GAREM1: variants seen among roughly 807,000 people sequenced by gnomAD.
The protein encoded by GAREM1 is GRB2 associated regulator of MAPK1 subtype 1.
In GAREM1, 26 loss-of-function variants were observed where a neutral mutation model predicts 71.3. That is an observed-to-expected ratio of 0.36 (90% confidence interval 0.27 to 0.51). The LOEUF (loss-of-function observed/expected upper bound fraction) is 0.51, where lower values mean the gene tolerates loss of function less well. Ranked by LOEUF, GAREM1 falls within the 20% of genes least tolerant of loss-of-function variation. The pLI, the probability that GAREM1 is intolerant of heterozygous loss-of-function variation, is 0.95. For missense variants in GAREM1, 1,026 were observed against 1,103.1 expected (o/e 0.93, Z 0.99); for synonymous variants, 440 against 433.2 (o/e 1.02, Z -0.20).
intron 1 of GAREM1, among the ~76,000 whole-genome samples, chr18:32,401,139 C>A (rs1020273602): frequency 2.0e-5 from 3 of 151,930 alleles, no homozygotes; most frequent in African/African-American, 7.3e-5. Flanking sequence ...AACACCTGGA[C>A]ACAGCAAGGG....
intron 3 of GAREM1, among the ~76,000 whole-genome samples, chr18:32,299,319 CCTGG>C (rs1308986376): frequency 1.3e-5 from 2 of 151,896 alleles, no homozygotes; most frequent in African/African-American, 4.8e-5. Flanking sequence ...TCGAGACCAT[CCTGG>C]CTAACATGGT....
chr18:32,394,646 C>T (rs1160202465), intron 1 of GAREM1, among the ~76,000 whole-genome samples: 3 of 152,100 alleles, frequency 2.0e-5, no homozygotes, highest in African/African-American at 7.2e-5. Flanking sequence ...AAAGATACTG[C>T]CTGGGGGCCA....
intron 4 of GAREM1, among the ~76,000 whole-genome samples, chr18:32,285,638 G>A (rs546891993): frequency 6.6e-5 from 10 of 152,016 alleles, no homozygotes; most frequent in Admixed American, 2.0e-4. Flanking sequence ...CATTCATCCC[G>A]CGACTAGAAG....
intron 2 of GAREM1, among the ~76,000 whole-genome samples, chr18:32,389,272 T>C (rs2048174711): frequency 6.6e-6 from 1 of 152,136 alleles, no homozygotes; most frequent in Non-Finnish European, 1.5e-5. Flanking sequence ...AACTTGTAAT[T>C]AGTAGTGCAG....
chr18:32,321,217 T>C (rs1215427976), intron 2 of GAREM1, among the ~76,000 whole-genome samples: 1 of 152,242 alleles, frequency 6.6e-6, no homozygotes, highest in Non-Finnish European at 1.5e-5. Context: ...CCCAGACTCC[T>C]CTGCCTCGGC....
chr18:32,454,024 CG>C (rs974853503), intron 1 of GAREM1, among the ~76,000 whole-genome samples: 7 of 151,824 alleles, frequency 4.6e-5, no homozygotes, highest in Non-Finnish European at 7.4e-5. Context: ...AGTTGGAAAA[CG>C]TAATATGAGA....
chr18:32,404,585 T>C (rs1271728402), intron 1 of GAREM1, among the ~76,000 whole-genome samples: 1 of 152,246 alleles, frequency 6.6e-6, no homozygotes, highest in Admixed American at 6.5e-5. Context: ...ACTCAGAGTA[T>C]TGTATTTCAC....
At chr18:32,386,871 C>T (rs1312262026) in intron 2 of GAREM1, among the ~76,000 whole-genome samples, 1 of 152,112 alleles carries the variant, frequency 6.6e-6, no homozygotes. Flanking sequence ...TGTGCTGAGC[C>T]ATTTACGCAA....
At chr18:32,330,455 T>C (rs2047521040) in intron 2 of GAREM1, among the ~76,000 whole-genome samples, 1 of 152,080 alleles carries the variant, frequency 6.6e-6, no homozygotes, top group African/African-American at 2.4e-5. Context: ...GTCAGCATCA[T>C]GCAATGTACT....
At chr18:32,290,595 A>T (rs544079679) in intron 3 of GAREM1, among the ~76,000 whole-genome samples, 3 of 150,292 alleles carry the variant, frequency 2.0e-5, no homozygotes, top group Non-Finnish European at 3.0e-5. Flanking sequence ...CAATGAGCCA[A>T]GATTGTGCCA....
chr18:32,428,296 AC>A (rs1250040905), intron 1 of GAREM1, among the ~76,000 whole-genome samples: 1 of 152,126 alleles, frequency 6.6e-6, no homozygotes, highest in Non-Finnish European at 1.5e-5. Context: ...TGTCTAGTTT[AC>A]CCTTTAACCA....
At chr18:32,352,253 G>T (rs938356732) in intron 2 of GAREM1, among the ~76,000 whole-genome samples, 1 of 152,168 alleles carries the variant, frequency 6.6e-6, no homozygotes, top group Middle Eastern at 3.2e-3. Flanking sequence ...TAAGTTGTCA[G>T]ATCAGCCCAC....
chr18:32,447,488 T>C (rs1429165774), intron 1 of GAREM1, among the ~76,000 whole-genome samples: 2 of 152,172 alleles, frequency 1.3e-5, no homozygotes, highest in Non-Finnish European at 2.9e-5. Flanking sequence ...TATAGAAAAG[T>C]AAGGCTTTTA....
At position 32,284,709 on chromosome 18, in the gene GAREM1, C is replaced by G. The variant is rs73421913; in HGVS notation, c.1566+2322G>C. ...GAAATACATAGCTGAATTAAGACAT[C>G]CCTCAAGTTCCAGGAGTACTTGTTT... On this transcript the variant is annotated intron_variant, in intron 4 of 5. Transcript: ENST00000269209. Among the ~76,000 whole-genome samples the G allele has an allele frequency of 6.6e-3, 1,005 of 151,982 alleles. 17 individuals are homozygous for G. Among genetic ancestry groups the G allele is most frequent in the African/African-American group, 0.022 (927 of 41,414 alleles).
chr18:32,384,206 A>C (rs1218930352), intron 2 of GAREM1, among the ~76,000 whole-genome samples: 1 of 152,150 alleles, frequency 6.6e-6, no homozygotes, highest in Non-Finnish European at 1.5e-5. Flanking sequence ...ATAAGAAGCC[A>C]TGAGCTGGAA....
At chr18:32,281,033 T>C (rs1031494850) in intron 4 of GAREM1, among the ~76,000 whole-genome samples, 26 of 152,226 alleles carry the variant, frequency 1.7e-4, no homozygotes, top group African/African-American at 5.8e-4. Context: ...ATTGCTACTA[T>C]TTATTTTAAA....
intron 4 of GAREM1, among the ~76,000 whole-genome samples, chr18:32,286,180 T>C (rs1021865588): frequency 6.6e-6 from 1 of 152,176 alleles, no homozygotes; most frequent in Non-Finnish European, 1.5e-5. Flanking sequence ...GGCTGCCAAT[T>C]GAAGAACATG....
At chr18:32,334,043 ACTGAGCAGTTAGGAACATT>A in intron 2 of GAREM1, among the ~76,000 whole-genome samples, 1 of 152,348 alleles carries the variant, frequency 6.6e-6, no homozygotes, top group African/African-American at 2.4e-5. Context: ...CATATTGTGC[ACTGAGCAGTTAGGAACATT>A]GTGACATTGC....
In GAREM1 at chr18:32,340,983, A is replaced by AT. The variant is rs201457354; in HGVS notation, c.263-30661dup. Among the ~76,000 whole-genome samples, 408 of 150,162 alleles carry AT rather than the reference A, an allele frequency of 2.7e-3. 2 individuals are homozygous for AT. Among genetic ancestry groups the AT allele is most frequent in the African/African-American group, 8.1e-3 (331 of 41,020 alleles). On this transcript the variant is annotated intron_variant, in intron 2 of 5. Coordinates refer to ENST00000269209, the MANE Select transcript of GAREM1 (RefSeq NM_001242409.2). Reference sequence around the variant, plus strand: ...AAAAAGAATTGATGTGTATTGGATTATTTTTTTTTTGATACTTTAAGTTCT... The same window carrying AT: ...AAAAAGAATTGATGTGTATTGGATTATTTTTTTTTTTGATACTTTAAGTTCT...
Sources: allele counts gnomAD v4.1 joint callset (sites outside exome capture counted in the v4.1 genomes callset), GRCh38; gene constraint gnomAD v4.1.1; transcripts MANE v1.5; gene names NCBI Gene and HGNC (gene_info 2026-07-23, HGNC 2026-07-21).